Variants in GRM7 observed in about 807,000 individuals in gnomAD.
The protein encoded by GRM7 is metabotropic glutamate receptor 7.
GRM7 carries 35 observed loss-of-function variants against 84.5 expected under a neutral mutation model. The observed-to-expected ratio is 0.41, with a 90% CI of 0.32 to 0.55. GRM7 has a LOEUF of 0.55. Ranked by LOEUF, GRM7 falls within the 20% of genes least tolerant of loss-of-function variation. The pLI, the probability that GRM7 is intolerant of heterozygous loss-of-function variation, is 0.19. For synonymous variants in GRM7, 487 were observed against 455.1 expected (o/e 1.07, Z -0.89); for missense variants, 1,003 against 1,194.6 (o/e 0.84, Z 2.36).
intron 7 of GRM7, among the ~76,000 whole-genome samples, chr3:7,527,940 A>G (rs998859342): frequency 6.7e-6 from 1 of 150,032 alleles, no homozygotes; most frequent in African/African-American, 2.5e-5. Flanking sequence ...TATTTTGTTG[A>G]GAATTGCTGC....
At chr3:7,102,573 G>A (rs1293176864) in intron 1 of GRM7, among the ~76,000 whole-genome samples, 1 of 151,636 alleles carries the variant, frequency 6.6e-6, no homozygotes, top group Admixed American at 6.6e-5. Context: ...GAGCTCCCTG[G>A]ATGTACAAGT....
chr3:7,729,868 G>A (rs1370553878), intron 9 of GRM7, among the ~76,000 whole-genome samples: 4 of 93,716 alleles, frequency 4.3e-5, no homozygotes, highest in Admixed American at 4.2e-4. Context: ...ACCACCTCCG[G>A]CTTTTTTTTT....
At chr3:6,992,648 GT>G (rs1559371878) in intron 1 of GRM7, among the ~76,000 whole-genome samples, 1 of 152,184 alleles carries the variant, frequency 6.6e-6, no homozygotes, top group African/African-American at 2.4e-5. Flanking sequence ...AGGAAATAGT[GT>G]GACTGAAACC....
chr3:7,054,158 A>G (rs1218170758), intron 1 of GRM7, among the ~76,000 whole-genome samples: 1 of 150,734 alleles, frequency 6.6e-6, no homozygotes, highest in East Asian at 2.0e-4. Flanking sequence ...TTGAACTTAT[A>G]TCATTTGCTA....
chr3:6,869,575 C>G (rs1018944107), intron 1 of GRM7, among the ~76,000 whole-genome samples: 6 of 133,830 alleles, frequency 4.5e-5, no homozygotes, highest in African/African-American at 1.1e-4. Flanking sequence ...TTACATCTAT[C>G]TATCTGTCTA....
At chr3:7,146,388 A>G in intron 1 of GRM7, 64 bp from the exon 2 acceptor site, 1 of 1,202,978 alleles carries the variant, frequency 8.3e-7, no homozygotes, top group South Asian at 1.2e-5. Flanking sequence ...AACTGTCATA[A>G]GTATAAATGA....
chr3:6,875,253 C>T (rs2124950175), intron 1 of GRM7, among the ~76,000 whole-genome samples: 1 of 151,232 alleles, frequency 6.6e-6, no homozygotes, highest in East Asian at 1.9e-4. Flanking sequence ...TTTCATATTA[C>T]CTTATTTTAA....
intron 4 of GRM7, among the ~76,000 whole-genome samples, chr3:7,366,863 A>G (rs1693913320): frequency 0.062 from 1 of 16 alleles, no homozygotes; most frequent in Non-Finnish European, 0.17. Context: ...CTTCTATTTA[A>G]TAAGAAATAA....
intron 7 of GRM7, among the ~76,000 whole-genome samples, chr3:7,484,177 G>A (rs1365704677): frequency 2.6e-5 from 4 of 152,196 alleles, no homozygotes; most frequent in Non-Finnish European, 5.9e-5. Flanking sequence ...CATTTAACAA[G>A]AGTGGAGCAA....
chr3:7,721,130 T>G (rs1343873812), intron 9 of GRM7, among the ~76,000 whole-genome samples: 1 of 152,240 alleles, frequency 6.6e-6, no homozygotes, highest in Non-Finnish European at 1.5e-5. Context: ...GACTCATGCT[T>G]AAGTTCTTAA....
At chr3:7,268,073 C>T (rs974027423) in intron 2 of GRM7, among the ~76,000 whole-genome samples, 1 of 151,980 alleles carries the variant, frequency 6.6e-6, no homozygotes, top group Non-Finnish European at 1.5e-5. Context: ...GAATAAAAGT[C>T]GTGTTCAAAT....
intron 2 of GRM7, among the ~76,000 whole-genome samples, chr3:7,276,249 G>GTATATA (rs879488767): frequency 1.4e-5 from 2 of 143,664 alleles, no homozygotes; most frequent in South Asian, 4.4e-4. Flanking sequence ...GTGTGTGTGT[G>GTATATA]TATATATAAT....
intron 7 of GRM7, among the ~76,000 whole-genome samples, chr3:7,543,404 G>C (rs1467683211): frequency 1.3e-5 from 2 of 152,220 alleles, no homozygotes. Flanking sequence ...TATAAGATGG[G>C]CTGGCCAGGA....
At chr3:7,339,395 C>T (rs535371543) in intron 4 of GRM7, among the ~76,000 whole-genome samples, 1 of 152,208 alleles carries the variant, frequency 6.6e-6, no homozygotes, top group Non-Finnish European at 1.5e-5. Flanking sequence ...AGCAATTGAC[C>T]ACAGGGTTCA....
Position 7,195,609 on chromosome 3 carries a change from C to A in GRM7, c.736+48941C>A, listed in dbSNP as rs149049463. The stretch of plus-strand genomic sequence containing the variant: ...AAAGTGTTTTATTTTAGTGATTTCT[C>A]CAGTATAATCTTTAAAGCAGGAGTC... On this transcript the variant is annotated intron_variant, in intron 2 of 9. Transcript: ENST00000357716. 1.5e-4 allele frequency among the ~76,000 whole-genome samples: 23 copies of A among 151,994 alleles called. No homozygotes were observed. In the East Asian group the frequency reaches 4.4e-3, roughly 29 times the overall value.
chr3:7,139,718 C>A (rs1693884559), intron 1 of GRM7, among the ~76,000 whole-genome samples: 1 of 151,846 alleles, frequency 6.6e-6, no homozygotes, highest in Admixed American at 6.6e-5. Flanking sequence ...GATGAGTCAG[C>A]AGAGGTTTAG....
chr3:7,006,304 A>G (rs903238826), intron 1 of GRM7, among the ~76,000 whole-genome samples: 1 of 152,218 alleles, frequency 6.6e-6, no homozygotes, highest in Non-Finnish European at 1.5e-5. Flanking sequence ...ACTGAGCTTC[A>G]TAGTCATACT....
intron 9 of GRM7, among the ~76,000 whole-genome samples, chr3:7,722,694 G>A (rs192468113): frequency 7.8e-4 from 119 of 151,978 alleles, no homozygotes; most frequent in Non-Finnish European, 1.2e-3. Context: ...CCACCACCTC[G>A]GCCTCCCAAA....
chr3:6,898,879 C>T (rs1297176687), intron 1 of GRM7, among the ~76,000 whole-genome samples: 2 of 151,864 alleles, frequency 1.3e-5, no homozygotes, highest in African/African-American at 2.4e-5. Context: ...CTGATAAGAC[C>T]TTGGTGAAGC....
Sources: allele counts gnomAD v4.1 joint callset (sites outside exome capture counted in the v4.1 genomes callset), GRCh38; gene constraint gnomAD v4.1.1; transcripts MANE v1.5; gene names NCBI Gene and HGNC (gene_info 2026-07-23, HGNC 2026-07-21).